CDH13: variants seen among roughly 807,000 people sequenced by gnomAD.
CDH13 encodes cadherin-13.
Under a neutral mutation model 63.8 loss-of-function variants are expected in CDH13, and 24 were observed. That is an observed-to-expected ratio of 0.38 (90% CI 0.27 to 0.53). The LOEUF (loss-of-function observed/expected upper bound fraction) is 0.53, where lower values mean the gene tolerates loss of function less well. CDH13 is among the 20% of genes least tolerant of loss of function. The probability of loss-of-function intolerance (pLI) is 0.85; values close to 1 mark genes in which losing one functional copy is unlikely to be tolerated. For synonymous variants in CDH13, 503 were observed against 355.3 expected, an observed-to-expected ratio of 1.42 and a Z score of -4.67; for missense variants, 1,049 against 903.1, an observed-to-expected ratio of 1.16 and a Z score of -2.07.
intron 5 of CDH13, among the ~76,000 whole-genome samples, chr16:83,334,361 T>TCTCTCTCTCTCACACA (rs1272779883): frequency 1.2e-5 from 1 of 85,622 alleles, no homozygotes; most frequent in East Asian, 3.8e-4. Flanking sequence ...TCTCTCTCTC[T>TCTCTCTCTCTCACACA]CACACACACA....
chr16:83,138,418 A>G (rs2151670372), intron 4 of CDH13, among the ~76,000 whole-genome samples: 1 of 151,954 alleles, frequency 6.6e-6, no homozygotes, highest in South Asian at 2.1e-4. Context: ...TCCGAAGAGG[A>G]CTCCTGAAGG....
intron 2 of CDH13, among the ~76,000 whole-genome samples, chr16:82,958,177 C>A (rs1415754015): frequency 6.6e-6 from 1 of 152,184 alleles, no homozygotes; most frequent in Non-Finnish European, 1.5e-5. Context: ...GATTCTTGAC[C>A]TCTCTTAGCA....
chr16:83,351,602 T>G (rs1056859297), intron 6 of CDH13, among the ~76,000 whole-genome samples: 1 of 152,222 alleles, frequency 6.6e-6, no homozygotes, highest in Non-Finnish European at 1.5e-5. Context: ...AGAGTCTGGA[T>G]CTACCATCGT....
chr16:83,446,907 C>A (rs1182741399), intron 6 of CDH13, among the ~76,000 whole-genome samples: 2 of 151,698 alleles, frequency 1.3e-5, no homozygotes, highest in African/African-American at 2.4e-5. Flanking sequence ...ATGTTTACCT[C>A]TATCTCAAGT....
intron 1 of CDH13, among the ~76,000 whole-genome samples, chr16:82,687,632 C>G (rs140471726): frequency 6.6e-6 from 1 of 152,256 alleles, no homozygotes; most frequent in East Asian, 1.9e-4. Context: ...ACCCTGCCCC[C>G]GAGATTCAGT....
At chr16:83,479,883 C>G (rs185349889) in intron 6 of CDH13, among the ~76,000 whole-genome samples, 1 of 152,078 alleles carries the variant, frequency 6.6e-6, no homozygotes, top group Non-Finnish European at 1.5e-5. Context: ...ATAGAATTAA[C>G]GTTTTGTGAT....
chr16:83,014,436 G>A (rs138254814), intron 2 of CDH13, among the ~76,000 whole-genome samples: 6 of 151,558 alleles, frequency 4.0e-5, no homozygotes, highest in African/African-American at 1.2e-4. Context: ...TAAAAGCCAG[G>A]TATAAAGGTA....
chr16:82,849,652 A>C (rs1212687262), intron 1 of CDH13, among the ~76,000 whole-genome samples: 1 of 152,258 alleles, frequency 6.6e-6, no homozygotes, highest in African/African-American at 2.4e-5. Flanking sequence ...ACATTCTTAT[A>C]CTGGATGAAG....
chr16:82,907,046 A>T (rs752548168), intron 2 of CDH13, among the ~76,000 whole-genome samples: 2 of 152,180 alleles, frequency 1.3e-5, no homozygotes, highest in Non-Finnish European at 2.9e-5. Context: ...AACCCAGAGC[A>T]ACTGTCACTA....
chr16:83,095,043 A>C (rs923422843), intron 3 of CDH13, among the ~76,000 whole-genome samples: 3 of 152,198 alleles, frequency 2.0e-5, no homozygotes, highest in African/African-American at 7.2e-5. Flanking sequence ...TTATTTGTTT[A>C]GAAAAATCCC....
intron 7 of CDH13, among the ~76,000 whole-genome samples, chr16:83,527,341 T>A (rs1335057643): frequency 3.3e-5 from 5 of 151,186 alleles, no homozygotes; most frequent in Non-Finnish European, 7.4e-5. Context: ...CCCAGCTACT[T>A]GGGAGGCTGA....
intron 2 of CDH13, among the ~76,000 whole-genome samples, chr16:82,928,255 T>G (rs2042368280): frequency 6.6e-6 from 1 of 152,208 alleles, no homozygotes; most frequent in Admixed American, 6.5e-5. Context: ...TGCTGTCTTC[T>G]AATTCATTTG....
chr16:83,175,442 G>A (rs1012101589), intron 4 of CDH13, among the ~76,000 whole-genome samples: 1 of 152,112 alleles, frequency 6.6e-6, no homozygotes, highest in South Asian at 2.1e-4. Context: ...ATGAGCCAGT[G>A]TGGAGACTGG....
intron 1 of CDH13, among the ~76,000 whole-genome samples, chr16:82,642,801 T>C (rs1006863370): frequency 1.3e-5 from 2 of 152,352 alleles, no homozygotes; most frequent in South Asian, 2.1e-4. Flanking sequence ...AATCAGCACA[T>C]GTAATCCTCA....
At position 83,798,284 on chromosome 16, in the gene CDH13, G is replaced by C. The variant is rs1029903217; in HGVS notation, c.*3254G>C. 6.6e-6 allele frequency: 1 copy of C among 152,196 alleles called. No homozygotes were observed. Among genetic ancestry groups the C allele is most frequent in the South Asian group, 2.1e-4 (1 of 4,824 alleles). 9.4% of individuals were successfully genotyped at this position (152,196 alleles called of 1,614,324 possible). A position where few individuals can be genotyped will look rare whatever the true frequency, so the allele number is the denominator to read the frequency against. The stretch of plus-strand genomic sequence containing the variant: ...TTTAACAAGTCTGTGTTTGATCCTG[G>C]ATTTAGTGCAGTTGCACCCAGGCAC... On this transcript the variant is annotated 3_prime_UTR_variant, in exon 14 of 14. Coordinates refer to ENST00000567109, the MANE Select transcript of CDH13 (RefSeq NM_001257.5).
chr16:83,090,654 G>A (rs142220304), intron 3 of CDH13, among the ~76,000 whole-genome samples: 4 of 151,856 alleles, frequency 2.6e-5, no homozygotes, highest in African/African-American at 9.7e-5. Flanking sequence ...CCCAGGCTCT[G>A]CACTCTCGGT....
At chr16:83,161,714 C>T (rs953575726) in intron 4 of CDH13, among the ~76,000 whole-genome samples, 1 of 152,218 alleles carries the variant, frequency 6.6e-6, no homozygotes, top group South Asian at 2.1e-4. Flanking sequence ...TTCTTATCCA[C>T]ATTCTTGTCT....
At chr16:82,782,522 A>G (rs1567528383) in intron 1 of CDH13, among the ~76,000 whole-genome samples, 1 of 150,794 alleles carries the variant, frequency 6.6e-6, no homozygotes, top group Non-Finnish European at 1.5e-5. Flanking sequence ...ACTGCACTCC[A>G]GCCTGGGCGA....
chr16:83,429,327 A>G (rs958802128), intron 6 of CDH13, among the ~76,000 whole-genome samples: 1 of 152,200 alleles, frequency 6.6e-6, no homozygotes, highest in Non-Finnish European at 1.5e-5. Flanking sequence ...CATGAGGTAC[A>G]GGGGACTTAT....
Sources: allele counts gnomAD v4.1 joint callset (sites outside exome capture counted in the v4.1 genomes callset), GRCh38; gene constraint gnomAD v4.1.1; transcripts MANE v1.5; gene names NCBI Gene and HGNC (gene_info 2026-07-23, HGNC 2026-07-21).